AAK1: variants seen among roughly 807,000 people sequenced by gnomAD.
AAK1 encodes AP2-associated protein kinase 1.
AAK1 carries 37 observed loss-of-function variants against 116.0 expected under a neutral mutation model. That is an observed-to-expected ratio of 0.32 (90% CI 0.25 to 0.42). AAK1 has a LOEUF of 0.42. Ranked by LOEUF, AAK1 falls within the 10% of genes least tolerant of loss-of-function variation. The pLI is 1.00. For missense variants in AAK1, 919 were observed against 1,170.6 expected (o/e 0.79, Z 3.14); for synonymous variants, 458 against 439.9 (o/e 1.04, Z -0.51).
At chr2:69,539,384 C>T (rs1315264968) in intron 5 of AAK1, among the ~76,000 whole-genome samples, 1 of 151,442 alleles carries the variant, frequency 6.6e-6, no homozygotes, top group Non-Finnish European at 1.5e-5. Flanking sequence ...AGGATGAACT[C>T]TAACCCCATT....
In AAK1 at chr2:69,475,631, G is replaced by A; in HGVS notation, c.*238C>T. ...GATTTAAGATAATGCTATTGAAGAA[G>A]GGTAATGAGAAAACACAGCAAACTA... On this transcript the variant is annotated 3_prime_UTR_variant, in exon 22 of 22. Transcript: ENST00000409085. 1 of 1,308,300 alleles carries A rather than the reference G, an allele frequency of 7.6e-7. No homozygotes were observed. The highest frequency in any genetic ancestry group is 9.8e-7 in the Non-Finnish European group (1 of 1,025,420). The allele number at this position is 1,308,300 out of a possible 1,614,324, so 81.0% of individuals were successfully genotyped here.
At chr2:69,541,215 A>G in intron 5 of AAK1, among the ~76,000 whole-genome samples, 1 of 150,710 alleles carries the variant, frequency 6.6e-6, no homozygotes, top group South Asian at 2.1e-4. Context: ...GAAACTGCTG[A>G]ATTTTATACT....
At chr2:69,628,104 C>A (rs1674988745) in intron 2 of AAK1, among the ~76,000 whole-genome samples, 1 of 152,106 alleles carries the variant, frequency 6.6e-6, no homozygotes. Flanking sequence ...AAGAATGATA[C>A]CTCCCTGTGA....
At chr2:69,640,053 A>ACACACACACTCT (rs1343518565) in intron 2 of AAK1, among the ~76,000 whole-genome samples, 11 of 92,740 alleles carry the variant, frequency 1.2e-4, no homozygotes, top group African/African-American at 5.4e-4. Flanking sequence ...ACACACACAC[A>ACACACACACTCT]CTCTCTCTCT....
At chr2:69,568,822 G>A (rs1285405300) in intron 2 of AAK1, among the ~76,000 whole-genome samples, 2 of 152,070 alleles carry the variant, frequency 1.3e-5, no homozygotes, top group East Asian at 1.9e-4. Flanking sequence ...ACTTAACTTC[G>A]TGTTAAAGCC....
intron 2 of AAK1, among the ~76,000 whole-genome samples, chr2:69,565,090 AAAAC>A (rs1262884154): frequency 1.3e-5 from 2 of 152,248 alleles, no homozygotes; most frequent in Non-Finnish European, 2.9e-5. Flanking sequence ...CAGCTTTAAC[AAAAC>A]GTATGGAGGG....
At chr2:69,622,111 C>G (rs566787074) in intron 2 of AAK1, among the ~76,000 whole-genome samples, 1 of 152,232 alleles carries the variant, frequency 6.6e-6, no homozygotes, top group East Asian at 1.9e-4. Flanking sequence ...ACCGGGGCTG[C>G]GCAGGGCGCC....
chr2:69,548,352 T>C (rs1671013746), intron 3 of AAK1, among the ~76,000 whole-genome samples: 1 of 152,116 alleles, frequency 6.6e-6, no homozygotes, highest in Non-Finnish European at 1.5e-5. Flanking sequence ...TGAGTAACAC[T>C]GATCTAGAGC....
At chr2:69,598,500 C>G (rs779414754) in intron 2 of AAK1, 8 of 169,372 alleles carry the variant, frequency 4.7e-5, no homozygotes, top group Non-Finnish European at 9.1e-5. Flanking sequence ...CCAGAAGACA[C>G]AAACGTTTTC....
intron 3 of AAK1, among the ~76,000 whole-genome samples, chr2:69,545,227 C>A (rs911224244): frequency 2.6e-5 from 4 of 152,126 alleles, no homozygotes; most frequent in African/African-American, 9.7e-5. Flanking sequence ...ATTTGTTGAG[C>A]ACCTCCTATG....
In AAK1 at chr2:69,643,607, C is replaced by T. The variant is rs1573041094; in HGVS notation, c.-267G>A. 2.4e-6 allele frequency: 3 copies of T among 1,228,908 alleles called. No individual in the cohort carries two copies. The highest frequency in any genetic ancestry group is 6.3e-5 in the East Asian group (2 of 31,592). 76.1% of individuals were successfully genotyped at this position (1,228,908 alleles called of 1,614,324 possible). On this transcript the variant is annotated 5_prime_UTR_variant, in exon 1 of 22. It introduces an in-frame stop codon into an upstream open reading frame of the 5' UTR. Coordinates refer to ENST00000409085, the MANE Select transcript of AAK1 (RefSeq NM_014911.5). ...GGCTCGGCGGCCGGCGCCCTGCTACCAGCCCCGCGACATTGTCACGGCCGC... is the reference window on the plus strand; with the variant it reads ...GGCTCGGCGGCCGGCGCCCTGCTACTAGCCCCGCGACATTGTCACGGCCGC...
chr2:69,542,975 G>A (rs917611274), intron 4 of AAK1, among the ~76,000 whole-genome samples: 10 of 152,192 alleles, frequency 6.6e-5, no homozygotes, highest in African/African-American at 2.4e-4. Flanking sequence ...TAGTTGCCTG[G>A]TTATATTGTG....
chr2:69,505,798 G>T, intron 15 of AAK1, 125 bp from the exon 16 acceptor site: 1 of 598,258 alleles, frequency 1.7e-6, no homozygotes, highest in Non-Finnish European at 2.9e-6. Flanking sequence ...GCATTATGGC[G>T]ACACATTCAA....
At chr2:69,499,744 A>T (rs1675898616) in intron 16 of AAK1, 1 of 152,274 alleles carries the variant, frequency 6.6e-6, no homozygotes, top group Non-Finnish European at 1.5e-5. Context: ...CATATTTAAA[A>T]GAAAAAAAGC....
chr2:69,620,201 AT>A, intron 2 of AAK1, among the ~76,000 whole-genome samples: 1 of 152,192 alleles, frequency 6.6e-6, no homozygotes, highest in Non-Finnish European at 1.5e-5. Flanking sequence ...AGCAAACAGG[AT>A]TTTCTGATAA....
Position 69,532,078 on chromosome 2 carries a change from T to C in AAK1, c.619A>G (p.Thr207Ala). 4 of 1,613,600 alleles carry C rather than the reference T, an allele frequency of 2.5e-6. No homozygotes were observed. Among genetic ancestry groups the C allele is most frequent in the Non-Finnish European group, 3.4e-6 (4 of 1,179,586 alleles). ...TCTTCTACTGCATTGACTCCCTCAG[T>C]TTGTGGATTCTGGAATTTGTTGGTG... is the stretch of plus-strand genomic sequence containing the variant. ...SATNKFQNPQ[T>A]EGVNAVEDEI... is the part of the protein sequence containing the mutation. The change falls in exon 6 of 22, where the codon ACT becomes GCT. Residue 207 changes from threonine (T) to alanine (A), a missense_variant. Thr to Ala is a moderately conservative substitution (Grantham distance 58). Transcript: ENST00000409085.
chr2:69,641,406 C>T (rs948314492), intron 2 of AAK1, among the ~76,000 whole-genome samples: 2 of 152,096 alleles, frequency 1.3e-5, no homozygotes, highest in Admixed American at 6.5e-5. Context: ...GATCTGGCAG[C>T]GGGCACAGAA....
chr2:69,566,005 G>T (rs1671850736), intron 2 of AAK1, among the ~76,000 whole-genome samples: 7 of 152,126 alleles, frequency 4.6e-5, no homozygotes, highest in Admixed American at 3.3e-4. Flanking sequence ...TCCATGGTGA[G>T]AGCTTGGGTG....
At chr2:69,598,165 C>CA (rs59323534) in intron 2 of AAK1, 39,633 of 1,083,604 alleles carry the variant, frequency 0.037, 4,503 homozygotes, top group African/African-American at 0.3. Flanking sequence ...GCCCCAATGC[C>CA]AAGTACATCA....
Sources: gnomAD v4.1 joint callset for allele counts (sites outside exome capture counted in the v4.1 genomes callset) on GRCh38, gnomAD v4.1.1 for gene constraint, MANE v1.5 for transcripts, NCBI Gene and HGNC (gene_info 2026-07-23, HGNC 2026-07-21) for gene names.